Variants in SPATA16 observed in about 807,000 individuals in gnomAD.
SPATA16 encodes the protein spermatogenesis-associated protein 16.
Under a neutral mutation model 63.3 loss-of-function variants are expected in SPATA16, and 36 were observed. The observed-to-expected ratio is 0.57, with a 90% confidence interval of 0.44 to 0.75. The LOEUF (loss-of-function observed/expected upper bound fraction) is 0.75. Among genes scored for constraint, SPATA16 ranks in the 30% least tolerant of loss-of-function variants. The pLI, the probability that SPATA16 is intolerant of heterozygous loss-of-function variation, is 0.00. For missense variants in SPATA16, 646 were observed against 679.3 expected, an observed-to-expected ratio of 0.95 and a Z score of 0.54; for synonymous variants, 203 against 216.7, an observed-to-expected ratio of 0.94 and a Z score of 0.56.
At position 173,057,684 on chromosome 3, in the gene SPATA16, C is replaced by T. The variant is rs183445037; in HGVS notation, c.613-8590G>A. On this transcript the variant is annotated intron_variant, in intron 2 of 10. Transcript: ENST00000351008. ...GCCCTAGAGTCTGTGCGTTTAATCA[C>T]GCACCAGAGCCACACAGTACCATTC... Among the ~76,000 whole-genome samples the T allele has an allele frequency of 9.1e-4, 139 of 152,290 alleles. 1 individual carries two copies. Among genetic ancestry groups the T allele is most frequent in the African/African-American group, 2.1e-3 (88 of 41,556 alleles).
intron 4 of SPATA16, among the ~76,000 whole-genome samples, chr3:173,006,242 T>A (rs1734943387): frequency 6.6e-6 from 1 of 152,202 alleles, no homozygotes; most frequent in Admixed American, 6.5e-5. Flanking sequence ...CACTTAGTGG[T>A]GGAATTATCA....
intron 2 of SPATA16, among the ~76,000 whole-genome samples, chr3:173,086,579 C>T (rs1454183920): frequency 6.6e-6 from 1 of 151,980 alleles, no homozygotes; most frequent in African/African-American, 2.4e-5. Flanking sequence ...ATTCTGCTAG[C>T]TTTATGGTTT....
chr3:173,069,112 G>GGAAAA (rs1553799218), intron 2 of SPATA16, among the ~76,000 whole-genome samples: 1 of 109,180 alleles, frequency 9.2e-6, no homozygotes, highest in Non-Finnish European at 1.9e-5. Context: ...TCCGTCTCAA[G>GGAAAA]AAAAAAAAAA....
intron 3 of SPATA16, among the ~76,000 whole-genome samples, chr3:173,025,787 G>C (rs1280970823): frequency 6.6e-6 from 1 of 151,924 alleles, no homozygotes; most frequent in Non-Finnish European, 1.5e-5. Context: ...TGTATCAATA[G>C]TTTGCTTCCT....
At chr3:172,929,318 A>G (rs991065595) in intron 6 of SPATA16, among the ~76,000 whole-genome samples, 1 of 152,244 alleles carries the variant, frequency 6.6e-6, no homozygotes, top group Non-Finnish European at 1.5e-5. Context: ...TATCAAAGAT[A>G]GATTATGCAG....
chr3:172,931,449 T>A (rs974365695), intron 6 of SPATA16, among the ~76,000 whole-genome samples: 36 of 152,266 alleles, frequency 2.4e-4, no homozygotes, highest in African/African-American at 8.4e-4. Flanking sequence ...GGTCTTGCTA[T>A]GTTGCTCAAA....
At chr3:173,078,668 A>T (rs1218321835) in intron 2 of SPATA16, among the ~76,000 whole-genome samples, 1 of 152,156 alleles carries the variant, frequency 6.6e-6, no homozygotes, top group Non-Finnish European at 1.5e-5. Context: ...TGACTTCCCA[A>T]CCGTCACATT....
chr3:173,021,209 A>C (rs1343414732), intron 3 of SPATA16, among the ~76,000 whole-genome samples: 2 of 152,352 alleles, frequency 1.3e-5, no homozygotes, highest in Non-Finnish European at 2.9e-5. Context: ...TCAAACACAA[A>C]TCAGCAGAAA....
At chr3:173,135,192 TA>T (rs1264007687) in intron 1 of SPATA16, among the ~76,000 whole-genome samples, 2 of 152,198 alleles carry the variant, frequency 1.3e-5, no homozygotes, top group African/African-American at 4.8e-5. Context: ...AAATGGTCAG[TA>T]AACTCTTGAA....
intron 10 of SPATA16, among the ~76,000 whole-genome samples, chr3:172,902,555 G>A (rs1732146698): frequency 6.6e-6 from 1 of 152,160 alleles, no homozygotes; most frequent in Non-Finnish European, 1.5e-5. Flanking sequence ...CTATTGTAAA[G>A]CTGAAGGAGC....
At chr3:172,942,210 AACTC>A (rs1733167855) in intron 6 of SPATA16, among the ~76,000 whole-genome samples, 1 of 152,134 alleles carries the variant, frequency 6.6e-6, no homozygotes, top group African/African-American at 2.4e-5. Flanking sequence ...CTGGCAGAAA[AACTC>A]AATCAATCAA....
chr3:173,123,176 CATA>C (rs1738129049), intron 1 of SPATA16, among the ~76,000 whole-genome samples: 1 of 152,172 alleles, frequency 6.6e-6, no homozygotes, highest in Non-Finnish European at 1.5e-5. Flanking sequence ...GTGTTATATA[CATA>C]ATAATAACAA....
At chr3:172,961,539 C>T (rs775655709) in intron 5 of SPATA16, among the ~76,000 whole-genome samples, 1 of 151,940 alleles carries the variant, frequency 6.6e-6, no homozygotes, top group Non-Finnish European at 1.5e-5. Flanking sequence ...GGACTACAGG[C>T]GCCCACCACC....
chr3:173,043,157 T>G (rs946745592), intron 3 of SPATA16, among the ~76,000 whole-genome samples: 2 of 152,138 alleles, frequency 1.3e-5, no homozygotes, highest in African/African-American at 4.8e-5. Flanking sequence ...ATATGTTTGA[T>G]GTAATTACTG....
chr3:173,019,667 T>A, intron 3 of SPATA16, 92 bp from the exon 4 acceptor site: 1 of 1,156,958 alleles, frequency 8.6e-7, no homozygotes, highest in Non-Finnish European at 1.3e-6. Flanking sequence ...GCATTCAATT[T>A]TATATACTAT....
intron 3 of SPATA16, among the ~76,000 whole-genome samples, chr3:173,040,929 GTGT>G (rs1033167822): frequency 6.6e-6 from 1 of 152,088 alleles, no homozygotes; most frequent in African/African-American, 2.4e-5. Flanking sequence ...CTGCAGAAAG[GTGT>G]TGTATAATAG....
chr3:173,082,981 T>C (rs1310963490), intron 2 of SPATA16, among the ~76,000 whole-genome samples: 1 of 152,132 alleles, frequency 6.6e-6, no homozygotes, highest in African/African-American at 2.4e-5. Context: ...CAATTAGGTA[T>C]TTATAAATAT....
intron 2 of SPATA16, among the ~76,000 whole-genome samples, chr3:173,081,508 A>C (rs1736921670): frequency 6.6e-6 from 1 of 152,176 alleles, no homozygotes; most frequent in Non-Finnish European, 1.5e-5. Flanking sequence ...CAAAACTGAG[A>C]CTTCCATTGA....
intron 2 of SPATA16, among the ~76,000 whole-genome samples, chr3:173,092,482 T>G (rs1201687068): frequency 6.6e-6 from 1 of 152,212 alleles, no homozygotes; most frequent in African/African-American, 2.4e-5. Context: ...TATTTTAGAT[T>G]ATTGGAGTGG....
Sources: gnomAD v4.1 joint callset for allele counts (sites outside exome capture counted in the v4.1 genomes callset) on GRCh38, gnomAD v4.1.1 for gene constraint, MANE v1.5 for transcripts, NCBI Gene and HGNC (gene_info 2026-07-23, HGNC 2026-07-21) for gene names.